The following HMCN1 variants were observed in gnomAD, a reference collection of about 807,000 sequenced individuals.
The protein encoded by HMCN1 is hemicentin 1.
Under a neutral mutation model 625.9 loss-of-function variants are expected in HMCN1, and 321 were observed. The ratio of observed to expected loss-of-function variants is 0.51; its 90% confidence interval spans 0.47 to 0.56. HMCN1 has a LOEUF of 0.56. HMCN1 is among the 20% of genes least tolerant of loss of function. The pLI is 0.00. For synonymous variants in HMCN1, 2,425 were observed against 2,417.6 expected (o/e 1.00, Z -0.09); for missense variants, 6,588 against 6,887.3 (o/e 0.96, Z 1.54).
At chr1:185,763,029 C>T (rs756713807) in intron 1 of HMCN1, among the ~76,000 whole-genome samples, 14 of 152,056 alleles carry the variant, frequency 9.2e-5, no homozygotes, top group Admixed American at 2.0e-4. Flanking sequence ...GTGAGAAGAA[C>T]GGAGATCTGT....
chr1:185,949,079 T>A, intron 11 of HMCN1, among the ~76,000 whole-genome samples: 1 of 151,840 alleles, frequency 6.6e-6, no homozygotes, highest in Non-Finnish European at 1.5e-5. Context: ...GGATATCTGA[T>A]TAGAGAGTGC....
Position 185,888,340 on chromosome 1 carries a change from T to C in HMCN1, c.622-20997T>C, listed in dbSNP as rs1208955546. Reference sequence around the variant, plus strand: ...AGATCCCATTTGTCAATTTTGTCTTTTGTTGCCATTGCTTTTGGTGTTTTA... The same window carrying C: ...AGATCCCATTTGTCAATTTTGTCTTCTGTTGCCATTGCTTTTGGTGTTTTA... On this transcript the variant is annotated intron_variant, in intron 4 of 106. Transcript: ENST00000271588. Among the ~76,000 whole-genome samples, 11 of 143,130 alleles carry C rather than the reference T, an allele frequency of 7.7e-5. No individual in the cohort carries two copies. The South Asian group carries it at 2.1e-3, about 27-fold the overall frequency. 93.9% of individuals were successfully genotyped at this position (143,130 alleles called of 152,430 possible).
intron 105 of HMCN1, among the ~76,000 whole-genome samples, chr1:186,185,195 G>A (rs945689404): frequency 1.2e-4 from 19 of 152,114 alleles, no homozygotes; most frequent in Admixed American, 9.2e-4. Flanking sequence ...ACTGATGTGC[G>A]TCCACCTTCT....
intron 30 of HMCN1, among the ~76,000 whole-genome samples, chr1:186,007,981 A>G (rs1002519866): frequency 3.9e-5 from 6 of 152,122 alleles, no homozygotes; most frequent in African/African-American, 1.4e-4. Flanking sequence ...ATGATGCTCA[A>G]GGAAAATTTA....
chr1:186,160,502 A>G (rs1227389081), intron 97 of HMCN1, among the ~76,000 whole-genome samples: 5 of 150,460 alleles, frequency 3.3e-5, no homozygotes, highest in African/African-American at 9.8e-5. Context: ...AATTCTTTTA[A>G]TTGTGATGTT....
chr1:185,790,040 C>T (rs1396968136), intron 1 of HMCN1, among the ~76,000 whole-genome samples: 1 of 152,190 alleles, frequency 6.6e-6, no homozygotes, highest in African/African-American at 2.4e-5. Flanking sequence ...TTGGCTGTCA[C>T]TTGCAAACAG....
At position 186,045,696 on chromosome 1, in the gene HMCN1, A is replaced by G. The variant is rs1656514734; in HGVS notation, c.6313A>G (p.Asn2105Asp). The G allele has an allele frequency of 6.2e-7, 1 of 1,613,172 alleles. No homozygotes were observed. The highest frequency in any genetic ancestry group is 8.5e-7 in the Non-Finnish European group (1 of 1,179,360). The change falls in exon 41 of 107, where the codon AAT (asparagine) becomes GAT (aspartate). Residue 2105 changes from asparagine to aspartate, a missense_variant. This residue lies in a region of HMCN1 where 4,628 missense variants were observed against 4,853.1 expected (regional missense o/e 0.95). Coordinates refer to ENST00000271588, the MANE Select transcript of HMCN1 (RefSeq NM_031935.3). ...DIDLRVYVPP[N>D]IMGEEQNVSV... ...ACCCATCTTTCATGTAGTTCCGCCA[A>G]ATATTATGGGAGAAGAACAGAATGT...
intron 4 of HMCN1, among the ~76,000 whole-genome samples, chr1:185,895,091 A>G (rs1665410255): frequency 9.9e-6 from 1 of 100,776 alleles, no homozygotes; most frequent in South Asian, 2.9e-4. Flanking sequence ...TTAGATTAAT[A>G]TTATTTGTTA....
intron 4 of HMCN1, among the ~76,000 whole-genome samples, chr1:185,868,305 C>A (rs755457279): frequency 6.6e-6 from 1 of 152,046 alleles, no homozygotes; most frequent in Non-Finnish European, 1.5e-5. Flanking sequence ...AGCCCTAGAG[C>A]GTTTATTAAA....
chr1:186,004,140 CAT>C (rs1351508954), intron 29 of HMCN1, among the ~76,000 whole-genome samples: 9 of 152,108 alleles, frequency 5.9e-5, no homozygotes, highest in African/African-American at 2.2e-4. Context: ...AAGATCTAAA[CAT>C]GAGATGATTT....
intron 49 of HMCN1, among the ~76,000 whole-genome samples, chr1:186,067,306 C>A (rs1007808719): frequency 2.0e-5 from 3 of 152,154 alleles, no homozygotes; most frequent in African/African-American, 7.2e-5. Flanking sequence ...CCTGTCTCAG[C>A]TATCCTTGCT....
intron 2 of HMCN1, among the ~76,000 whole-genome samples, chr1:185,862,285 G>A (rs997213116): frequency 2.6e-5 from 4 of 152,070 alleles, no homozygotes; most frequent in African/African-American, 9.7e-5. Flanking sequence ...AAGTTAAGTG[G>A]AAGGAAAAGC....
At chr1:185,736,680 T>C (rs973376652) in intron 1 of HMCN1, among the ~76,000 whole-genome samples, 2 of 152,366 alleles carry the variant, frequency 1.3e-5, no homozygotes, top group African/African-American at 4.8e-5. Context: ...TGAAAACTTA[T>C]TGGAATGAAT....
chr1:186,044,260 G>A (rs1356009122), intron 40 of HMCN1, among the ~76,000 whole-genome samples: 3 of 152,134 alleles, frequency 2.0e-5, no homozygotes, highest in Non-Finnish European at 4.4e-5. Context: ...CTGTCTGTGT[G>A]TGCTACTAAA....
intron 52 of HMCN1, 62 bp from the exon 53 acceptor site, chr1:186,074,679 C>A: frequency 7.0e-7 from 1 of 1,437,578 alleles, no homozygotes; most frequent in Non-Finnish European, 9.8e-7. Context: ...CTATCAACTG[C>A]ATGGCCTCTT....
At chr1:185,791,433 A>T (rs1361082615) in intron 1 of HMCN1, among the ~76,000 whole-genome samples, 1 of 152,174 alleles carries the variant, frequency 6.6e-6, no homozygotes, top group African/African-American at 2.4e-5. Context: ...TTACATAAAA[A>T]ATTTGGCTGG....
intron 1 of HMCN1, among the ~76,000 whole-genome samples, chr1:185,798,902 C>T (rs1421483961): frequency 6.6e-6 from 1 of 152,100 alleles, no homozygotes; most frequent in Non-Finnish European, 1.5e-5. Context: ...TGATTAGGAC[C>T]TACTACTAGA....
chr1:186,045,804 G>A lies in HMCN1; in HGVS notation c.6421G>A (p.Gly2141Ser), dbSNP rs964866048. The A allele has an allele frequency of 5.6e-6, 9 of 1,612,802 alleles. No individual in the cohort carries two copies. The highest frequency in any genetic ancestry group is 1.1e-5 in the South Asian group (1 of 91,040). The stretch of plus-strand genomic sequence containing the variant: ...ACCTACTCTTACTTGGTTAAAAGAC[G>A]GCCACCCCTTGCTGAAGAAACCAGG... ...PPPTLTWLKD[G>S]HPLLKKPGLS... The change falls in exon 41 of 107, where the codon GGC becomes AGC. Residue 2141 changes from glycine (G) to serine (S), a missense_variant. Transcript: ENST00000271588.
rs1653581259 is a variant in HMCN1 at position 186,189,564 on chromosome 1, T to C, written c.16594T>C (p.Tyr5532His). 1 of 1,613,626 alleles carries C rather than the reference T, an allele frequency of 6.2e-7. No individual in the cohort carries two copies. Among genetic ancestry groups the C allele is most frequent in the Non-Finnish European group, 8.5e-7 (1 of 1,179,792 alleles). ...PNDLECALSP[Y>H]ALEYKLVSLP... ...TGATTTGGAATGTGCCTTGAGCCCA[T>C]ATGCCTTGGAATACAAACTCGTCTC... is the stretch of plus-strand genomic sequence containing the variant. The change falls in exon 107 of 107, where the codon TAT (tyrosine) becomes CAT (histidine). Residue 5532 changes from tyrosine (Y) to histidine (H), a missense_variant. Around this residue, in one of 3 missense-constraint regions of HMCN1, gnomAD observed 1,954 missense variants for 2,013.1 expected, o/e 0.97. Coordinates refer to ENST00000271588, the MANE Select transcript of HMCN1 (RefSeq NM_031935.3).
Sources: allele counts gnomAD v4.1 joint callset (sites outside exome capture counted in the v4.1 genomes callset), GRCh38; gene constraint gnomAD v4.1.1; regional missense constraint gnomAD v4.1.1; transcripts MANE v1.5; gene names NCBI Gene and HGNC (gene_info 2026-07-23, HGNC 2026-07-21).